Variants in GALNT18 observed in about 807,000 individuals in gnomAD.
GALNT18 encodes polypeptide N-acetylgalactosaminyltransferase 18.
In GALNT18, 44 loss-of-function variants were observed where a neutral mutation model predicts 69.5. The observed-to-expected ratio is 0.63, with a 90% CI of 0.50 to 0.81. The LOEUF (loss-of-function observed/expected upper bound fraction) is 0.81, where lower values mean the gene tolerates loss of function less well. Among genes scored for constraint, GALNT18 ranks in the 40% least tolerant of loss-of-function variants. The pLI is 0.00. For synonymous variants in GALNT18, 364 were observed against 318.2 expected (o/e 1.14, Z -1.53); for missense variants, 715 against 810.0 (o/e 0.88, Z 1.42).
chr11:11,316,766 C>T (rs1220733158), intron 9 of GALNT18, among the ~76,000 whole-genome samples: 3 of 152,220 alleles, frequency 2.0e-5, no homozygotes, highest in Admixed American at 1.3e-4. Flanking sequence ...TATTCCTGCT[C>T]TCTCTTTTTG....
chr11:11,503,184 G>C (rs1857007218), intron 1 of GALNT18, among the ~76,000 whole-genome samples: 1 of 152,208 alleles, frequency 6.6e-6, no homozygotes. Flanking sequence ...GAAGGCATCG[G>C]AGGTAATATG....
At chr11:11,324,531 G>A (rs765653512) in intron 9 of GALNT18, among the ~76,000 whole-genome samples, 2 of 152,172 alleles carry the variant, frequency 1.3e-5, no homozygotes, top group African/African-American at 4.8e-5. Flanking sequence ...ATGTAATGAT[G>A]AAAGTGTTCC....
Position 11,448,923 on chromosome 11 carries a change from C to T in GALNT18, c.249G>A (p.Lys83=). The T allele has an allele frequency of 6.3e-7, 1 of 1,589,752 alleles. No homozygotes were observed. The highest frequency in any genetic ancestry group is 8.6e-7 in the Non-Finnish European group (1 of 1,168,492). ...IKQHIQEAPA[K]PEEAEAEPFT... ...AGGGCTCGGCCTCTGCCTCCTCAGG[C>T]TTGGCAGGAGCCTCTGGAGAAAGAA... Residue 83 remains lysine (K), a synonymous_variant, in exon 2 of 11, where the codon AAG becomes AAA. Coordinates refer to ENST00000227756, the MANE Select transcript of GALNT18 (RefSeq NM_198516.3).
chr11:11,497,327 A>AACACACACACACACACAC lies in GALNT18; in HGVS notation c.236-48409_236-48392dup, dbSNP rs61001797. ...TATTTATGTTTTACCTCCTGTCTCC[A>AACACACACACACACACAC]ACACACACACACACACACACACACA... On this transcript the variant is annotated intron_variant, in intron 1 of 10. Transcript: ENST00000227756. The surrounding 1 kb of genome is among the most constrained non-coding windows in gnomAD (Gnocchi z 4.2). 8.6e-3 allele frequency among the ~76,000 whole-genome samples: 1,141 copies of AACACACACACACACACAC among 132,292 alleles called. 17 individuals carry two copies. Among genetic ancestry groups the AACACACACACACACACAC allele is most frequent in the South Asian group, 0.036 (128 of 3,556 alleles). 86.8% of individuals were successfully genotyped at this position (132,292 alleles called of 152,430 possible).
intron 10 of GALNT18, among the ~76,000 whole-genome samples, chr11:11,281,293 C>T (rs1000321434): frequency 6.6e-5 from 10 of 152,228 alleles, no homozygotes; most frequent in African/African-American, 2.4e-4. Context: ...CTTCTGGTTT[C>T]ATTGTCTGCA....
intron 6 of GALNT18, among the ~76,000 whole-genome samples, chr11:11,355,791 TAA>T (rs962464972): frequency 6.6e-6 from 1 of 152,160 alleles, no homozygotes; most frequent in Non-Finnish European, 1.5e-5. Context: ...GCCTGAGGAA[TAA>T]AACAGAGCAC....
intron 10 of GALNT18, among the ~76,000 whole-genome samples, chr11:11,276,794 T>A: frequency 1.3e-5 from 2 of 152,168 alleles, no homozygotes; most frequent in Non-Finnish European, 2.9e-5. Flanking sequence ...ACTGGTTCTG[T>A]TTATGTGATG....
rs1252720082 is a variant in GALNT18 at position 11,341,493 on chromosome 11, C to T, written c.1093-489G>A. Among the ~76,000 whole-genome samples the T allele has an allele frequency of 6.6e-6, 1 of 152,146 alleles. No homozygotes were observed. Among genetic ancestry groups the T allele is most frequent in the Admixed American group, 6.5e-5 (1 of 15,282 alleles). ...CCACAGAGAAGGGTGTCACCAGACACCCTTCTTCTAGTGCATCTTTCCGAG... is the reference window on the plus strand; with the variant it reads ...CCACAGAGAAGGGTGTCACCAGACATCCTTCTTCTAGTGCATCTTTCCGAG... On this transcript the variant is annotated intron_variant, in intron 6 of 10. Coordinates refer to ENST00000227756, the MANE Select transcript of GALNT18 (RefSeq NM_198516.3). This position sits in a 1 kb window ranked among gnomAD's most constrained non-coding sequence, Gnocchi z 6.3.
In GALNT18 at chr11:11,562,406, A is replaced by G. The variant is rs1565014376; in HGVS notation, c.235+58953T>C. On this transcript the variant is annotated intron_variant, in intron 1 of 10. Coordinates refer to ENST00000227756, the MANE Select transcript of GALNT18 (RefSeq NM_198516.3). This position sits in a 1 kb window ranked among gnomAD's most constrained non-coding sequence, Gnocchi z 4.1. ...ACCTCATTTTCACTTGATTTGTTCT[A>G]TAAAGTTTCTATCTCCAAATAAGGT... is the stretch of plus-strand genomic sequence containing the variant. 1.4e-5 allele frequency among the ~76,000 whole-genome samples: 2 copies of G among 144,728 alleles called. No homozygotes were observed. The highest frequency in any genetic ancestry group is 3.0e-5 in the Non-Finnish European group (2 of 67,404). The allele number at this position is 144,728 out of a possible 152,430, so 94.9% of individuals were successfully genotyped here.
Position 11,562,169 on chromosome 11 carries a change from G to A in GALNT18, c.235+59190C>T, listed in dbSNP as rs1018294317. Among the ~76,000 whole-genome samples, 6 of 152,226 alleles carry A rather than the reference G, an allele frequency of 3.9e-5. No homozygotes were observed. Among genetic ancestry groups the A allele is most frequent in the South Asian group, 2.1e-4 (1 of 4,828 alleles). ...GATATTCATTCTCTCACAGTTCTGG[G>A]AGCTAGACGTCCGCAATCAAGGTGC... On this transcript the variant is annotated intron_variant, in intron 1 of 10. Transcript: ENST00000227756. This position sits in a 1 kb window ranked among gnomAD's most constrained non-coding sequence, Gnocchi z 4.1.
intron 6 of GALNT18, among the ~76,000 whole-genome samples, chr11:11,355,611 G>T (rs1317036885): frequency 6.6e-6 from 1 of 152,136 alleles, no homozygotes; most frequent in Non-Finnish European, 1.5e-5. Context: ...GGTCCAACCT[G>T]ATTTTAGAAA....
Position 11,496,006 on chromosome 11 carries a change from C to A in GALNT18, c.236-47070G>T, listed in dbSNP as rs1378614109. ...TAACTTCATAATCCTAATCCTAAAA[C>A]ATATGTGCTATCAGCATCCCTGTTA... On this transcript the variant is annotated intron_variant, in intron 1 of 10. Coordinates refer to ENST00000227756, the MANE Select transcript of GALNT18 (RefSeq NM_198516.3). This position sits in a 1 kb window ranked among gnomAD's most constrained non-coding sequence, Gnocchi z 4.0. Among the ~76,000 whole-genome samples, 1 of 152,218 alleles carries A rather than the reference C, an allele frequency of 6.6e-6. No individual in the cohort carries two copies. The highest frequency in any genetic ancestry group is 6.5e-5 in the Admixed American group (1 of 15,284).
At position 11,340,146 on chromosome 11, in the gene GALNT18, T is replaced by A. The variant is rs1448666109; in HGVS notation, c.1278+673A>T. Among the ~76,000 whole-genome samples, 1 of 152,156 alleles carries A rather than the reference T, an allele frequency of 6.6e-6. No homozygotes were observed. Among genetic ancestry groups the A allele is most frequent in the Non-Finnish European group, 1.5e-5 (1 of 68,020 alleles). On this transcript the variant is annotated intron_variant, in intron 7 of 10. Transcript: ENST00000227756. The surrounding 1 kb of genome is among the most constrained non-coding windows in gnomAD (Gnocchi z 4.2). ...CTCTCAACTCAGTAGTCCAAGGTCA[T>A]TTCCACATGTTTCACCTTGACACAT... is the stretch of plus-strand genomic sequence containing the variant.
intron 1 of GALNT18, among the ~76,000 whole-genome samples, chr11:11,579,856 T>C (rs575709815): frequency 3.0e-4 from 45 of 152,286 alleles, no homozygotes; most frequent in African/African-American, 1.1e-3. Context: ...GCAGGGGTTG[T>C]GAAGAATGTG....
rs891762687 is a variant in GALNT18 at position 11,377,548 on chromosome 11, C to T, written c.780-169G>A. ...GGGAAGGAGCTCCTATTCAACTTCC[C>T]GCTCCCTGAGGATTGCCGGAATGGC... On this transcript the variant is annotated intron_variant, in intron 4 of 10. Coordinates refer to ENST00000227756, the MANE Select transcript of GALNT18 (RefSeq NM_198516.3). The surrounding 1 kb of genome is among the most constrained non-coding windows in gnomAD (Gnocchi z 4.6). Among the ~76,000 whole-genome samples the T allele has an allele frequency of 1.3e-5, 2 of 152,088 alleles. No homozygotes were observed. The highest frequency in any genetic ancestry group is 2.4e-5 in the African/African-American group (1 of 41,396).
chr11:11,379,437 G>A (rs1282212345), intron 3 of GALNT18, among the ~76,000 whole-genome samples, 173 bp from the exon 4 acceptor site: 2 of 152,182 alleles, frequency 1.3e-5, no homozygotes, highest in African/African-American at 4.8e-5. Context: ...CAGTTTTGAA[G>A]GGAAAAATAG....
intron 1 of GALNT18, among the ~76,000 whole-genome samples, chr11:11,532,274 T>G (rs564766904): frequency 1.3e-5 from 2 of 152,288 alleles, no homozygotes; most frequent in African/African-American, 4.8e-5. Context: ...GTACCTGAGC[T>G]GGAGCACGGA....
rs1458037616 is a variant in GALNT18, at chr11:11,339,511, T to A, written c.1278+1308A>T. Among the ~76,000 whole-genome samples, 1 of 152,096 alleles carries A rather than the reference T, an allele frequency of 6.6e-6. No individual in the cohort carries two copies. The highest frequency in any genetic ancestry group is 2.4e-5 in the African/African-American group (1 of 41,412). On this transcript the variant is annotated intron_variant, in intron 7 of 10. Coordinates refer to ENST00000227756, the MANE Select transcript of GALNT18 (RefSeq NM_198516.3). This position sits in a 1 kb window ranked among gnomAD's most constrained non-coding sequence, Gnocchi z 5.2. ...GGTGAGCTCCTGGGGAGTTTCCAAG[T>A]GTTCTTAATATTTTGCCATCACAGG...
chr11:11,497,048 G>A lies in GALNT18; in HGVS notation c.236-48112C>T, dbSNP rs978093141. Reference sequence around the variant, plus strand: ...TTGCTCACTCTGCTAGAGCCACATGGGCCTTCCTGCTTCCAGGCTCATTCC... The same window carrying A: ...TTGCTCACTCTGCTAGAGCCACATGAGCCTTCCTGCTTCCAGGCTCATTCC... On this transcript the variant is annotated intron_variant, in intron 1 of 10. Transcript: ENST00000227756. The surrounding 1 kb of genome is among the most constrained non-coding windows in gnomAD (Gnocchi z 4.2). Among the ~76,000 whole-genome samples, 3 of 152,056 alleles carry A rather than the reference G, an allele frequency of 2.0e-5. No individual in the cohort carries two copies. The highest frequency in any genetic ancestry group is 4.4e-5 in the Non-Finnish European group (3 of 68,016).
Sources: gnomAD v4.1 joint callset for allele counts (sites outside exome capture counted in the v4.1 genomes callset) on GRCh38, gnomAD v4.1.1 for gene constraint, Gnocchi (gnomAD v3.1) non-coding constraint, MANE v1.5 for transcripts, NCBI Gene and HGNC (gene_info 2026-07-23, HGNC 2026-07-21) for gene names.